Variants in PCGF5 observed in about 807,000 individuals in gnomAD.
PCGF5 encodes polycomb group ring finger 5.
A neutral mutation model predicts 44.3 loss-of-function variants in PCGF5; 9 were observed. That is an observed-to-expected ratio of 0.20 (90% CI 0.12 to 0.35). PCGF5 has a LOEUF of 0.35. PCGF5 is among the 10% of genes least tolerant of loss of function. The pLI, the probability that PCGF5 is intolerant of heterozygous loss-of-function variation, is 1.00. For missense variants in PCGF5, 146 were observed against 305.3 expected (o/e 0.48, Z 3.89); for synonymous variants, 95 against 102.5 (o/e 0.93, Z 0.44).
intron 2 of PCGF5, among the ~76,000 whole-genome samples, chr10:91,230,922 CTATT>C (rs1340794842): frequency 6.6e-6 from 1 of 152,044 alleles, no homozygotes; most frequent in Non-Finnish European, 1.5e-5. Context: ...TGTGCCCAGC[CTATT>C]TATTTTAGAG....
intron 2 of PCGF5, among the ~76,000 whole-genome samples, chr10:91,237,068 CACTA>C (rs759888954): frequency 1.3e-5 from 2 of 152,104 alleles, no homozygotes; most frequent in African/African-American, 4.8e-5. Context: ...TGGTTTTAAC[CACTA>C]ACTAGCTTCA....
At chr10:91,250,620 T>C (rs1302892292) in intron 5 of PCGF5, among the ~76,000 whole-genome samples, 1 of 151,474 alleles carries the variant, frequency 6.6e-6, no homozygotes, top group Non-Finnish European at 1.5e-5. Context: ...ATCCAACATA[T>C]AGTTAGAACT....
chr10:91,246,103 C>A (rs1364893147), intron 3 of PCGF5, among the ~76,000 whole-genome samples: 1 of 152,050 alleles, frequency 6.6e-6, no homozygotes, highest in Non-Finnish European at 1.5e-5. Flanking sequence ...TAATGACTGA[C>A]CATAGAACAG....
At chr10:91,254,554 T>C (rs1473301518) in intron 6 of PCGF5, among the ~76,000 whole-genome samples, 1 of 152,062 alleles carries the variant, frequency 6.6e-6, no homozygotes, top group African/African-American at 2.4e-5. Flanking sequence ...TCCTTGATAC[T>C]AGACTGTAAA....
chr10:91,207,274 T>G (rs78228363), intron 1 of PCGF5, among the ~76,000 whole-genome samples: 6,604 of 152,310 alleles, frequency 0.043, 350 homozygotes, highest in African/African-American at 0.13. Flanking sequence ...GAGCCATTTG[T>G]CATTGCATTA....
At chr10:91,223,623 T>C (rs1176057660) in intron 2 of PCGF5, among the ~76,000 whole-genome samples, 3 of 152,208 alleles carry the variant, frequency 2.0e-5, no homozygotes, top group Non-Finnish European at 4.4e-5. Flanking sequence ...TTACTGCCAC[T>C]TATGCCAAGA....
At chr10:91,230,267 A>G (rs796113349) in intron 2 of PCGF5, among the ~76,000 whole-genome samples, 5 of 152,310 alleles carry the variant, frequency 3.3e-5, no homozygotes, top group African/African-American at 1.2e-4. Context: ...AAAGTGTGTA[A>G]CCTAAACTAC....
chr10:91,248,881 A>G (rs1164915500), intron 5 of PCGF5, among the ~76,000 whole-genome samples, 157 bp downstream of exon 5: 1 of 152,056 alleles, frequency 6.6e-6, no homozygotes, highest in African/African-American at 2.4e-5. Context: ...TCTATATGAG[A>G]TTTTATATAA....
Position 91,248,653 on chromosome 10 carries a change from C to T in PCGF5, c.266-12C>T, listed in dbSNP as rs371629301. The T allele has an allele frequency of 1.9e-6, 3 of 1,604,212 alleles. No homozygotes were observed. Among genetic ancestry groups the T allele is most frequent in the Non-Finnish European group, 2.6e-6 (3 of 1,173,446 alleles). Reference sequence around the variant, plus strand: ...CATGACTTTTACTTTTATACTCTTTCTTTTAAATTAGAAGAACTTGAGCGT... The same window carrying T: ...CATGACTTTTACTTTTATACTCTTTTTTTTAAATTAGAAGAACTTGAGCGT... On this transcript the variant is annotated splice_polypyrimidine_tract_variant and intron_variant, in intron 4 of 9. Coordinates refer to ENST00000336126, the MANE Select transcript of PCGF5 (RefSeq NM_032373.5).
At chr10:91,172,074 CAGACGTGTGGCAG>C (rs1387663575) in intron 1 of PCGF5, among the ~76,000 whole-genome samples, 1 of 152,204 alleles carries the variant, frequency 6.6e-6, no homozygotes, top group Non-Finnish European at 1.5e-5. Context: ...CCCAGGATTA[CAGACGTGTGGCAG>C]AGCTAGCTCT....
chr10:91,189,710 T>A (rs1279054955), intron 1 of PCGF5, among the ~76,000 whole-genome samples: 1 of 152,224 alleles, frequency 6.6e-6, no homozygotes. Flanking sequence ...GCACAATGCA[T>A]GGGGTTTATC....
In PCGF5 at chr10:91,282,217, G is replaced by A. The variant is rs1485897903; in HGVS notation, c.*3901G>A. 1 of 152,210 alleles carries A rather than the reference G, an allele frequency of 6.6e-6. No homozygotes were observed. The highest frequency in any genetic ancestry group is 2.4e-5 in the African/African-American group (1 of 41,444). 9.4% of individuals were successfully genotyped at this position (152,210 alleles called of 1,614,324 possible). On this transcript the variant is annotated 3_prime_UTR_variant, in exon 10 of 10. Coordinates refer to ENST00000336126, the MANE Select transcript of PCGF5 (RefSeq NM_032373.5). ...AAGCAACTCTAGGCCGGGCACAGTG[G>A]CTCATGCCTGTAATCCCAGCACTTT... is the stretch of plus-strand genomic sequence containing the variant.
chr10:91,210,060 C>A (rs2133250221), intron 1 of PCGF5, among the ~76,000 whole-genome samples: 1 of 152,350 alleles, frequency 6.6e-6, no homozygotes, highest in Non-Finnish European at 1.5e-5. Context: ...ATTAGACAAT[C>A]TATAAAGCTT....
Position 91,273,631 on chromosome 10 carries a change from G to T in PCGF5, c.723+1934G>T, listed in dbSNP as rs574249057. On this transcript the variant is annotated intron_variant, in intron 9 of 9. Transcript: ENST00000336126. ...TTCTGAATTCTCTCTAATTTTCAAG[G>T]AATATATCATTCCTATGCTGTATCT... Among the ~76,000 whole-genome samples, 4 of 152,040 alleles carry T rather than the reference G, an allele frequency of 2.6e-5. No individual in the cohort carries two copies. In the South Asian group the frequency reaches 8.3e-4, roughly 32 times the overall value.
upstream of PCGF5, among the ~76,000 whole-genome samples, chr10:91,162,422 ATCGC>A (rs1228584691): frequency 6.6e-6 from 1 of 152,140 alleles, no homozygotes; most frequent in African/African-American, 2.4e-5. Context: ...GGACTTGACC[ATCGC>A]CAGGGAGGCA....
chr10:91,200,020 G>C (rs568927620), intron 1 of PCGF5, among the ~76,000 whole-genome samples: 1 of 152,178 alleles, frequency 6.6e-6, no homozygotes, highest in Non-Finnish European at 1.5e-5. Context: ...TAGTCTACAC[G>C]CTTCAGGCTA....
chr10:91,166,224 G>A (rs1843497040), intron 1 of PCGF5, among the ~76,000 whole-genome samples: 1 of 152,226 alleles, frequency 6.6e-6, no homozygotes, highest in Non-Finnish European at 1.5e-5. Flanking sequence ...TATAGGTGGA[G>A]AAGAATGGTT....
intron 2 of PCGF5, among the ~76,000 whole-genome samples, chr10:91,235,198 C>G (rs528719641): frequency 6.6e-6 from 1 of 152,106 alleles, no homozygotes; most frequent in Non-Finnish European, 1.5e-5. Context: ...CCTAGATATT[C>G]TGAATTAATT....
chr10:91,164,939 G>C (rs536548813), intron 1 of PCGF5, among the ~76,000 whole-genome samples: 34 of 152,338 alleles, frequency 2.2e-4, no homozygotes, highest in African/African-American at 7.9e-4. Flanking sequence ...CTATGCTAGG[G>C]ATTTGGGCTG....
Sources: allele counts gnomAD v4.1 joint callset (sites outside exome capture counted in the v4.1 genomes callset), GRCh38; gene constraint gnomAD v4.1.1; transcripts MANE v1.5; gene names NCBI Gene and HGNC (gene_info 2026-07-23, HGNC 2026-07-21).